CDC25C: variants seen among roughly 807,000 people sequenced by gnomAD.
The protein encoded by CDC25C is M-phase inducer phosphatase 3.
In CDC25C, 48 loss-of-function variants were observed where a neutral mutation model predicts 52.5. That is an observed-to-expected ratio of 0.91 (90% CI 0.72 to 1.16). The LOEUF is 1.16. CDC25C is among the 50% of genes most tolerant of loss of function. The pLI is 0.00. For synonymous variants in CDC25C, 187 were observed against 206.5 expected (o/e 0.91, Z 0.81); for missense variants, 510 against 566.1 (o/e 0.90, Z 1.01).
At chr5:138,334,680 T>C (rs1199397388), upstream of CDC25C, among the ~76,000 whole-genome samples, 1 of 152,206 alleles carries the variant, frequency 6.6e-6, no homozygotes, top group Non-Finnish European at 1.5e-5. Context: ...TCTACGTTTG[T>C]TAATGAGGTT....
chr5:138,334,962 G>T (rs1760612340), upstream of CDC25C: 1 of 152,224 alleles, frequency 6.6e-6, no homozygotes, highest in African/African-American at 2.4e-5. Context: ...TTTTCTGTTG[G>T]ATTGAGGGCA....
intron 6 of CDC25C, 85 bp downstream of exon 6, chr5:138,325,730 C>T: frequency 3.3e-6 from 3 of 900,662 alleles, no homozygotes; most frequent in East Asian, 2.5e-5. Context: ...GAGGTATAAA[C>T]AGTTCTATGT....
intron 1 of CDC25C, chr5:138,337,808 G>T: frequency 2.3e-6 from 1 of 443,900 alleles, no homozygotes; most frequent in Non-Finnish European, 3.9e-6. Flanking sequence ...GGGGAAGGGG[G>T]ATTCCTTCGA....
chr5:138,329,730 T>C (rs1760196977), intron 2 of CDC25C, 83 bp from the exon 3 acceptor site: 13 of 438,390 alleles, frequency 3.0e-5, no homozygotes, highest in Admixed American at 1.6e-4. Context: ...CCTCTTCTTT[T>C]TTTTTTTTTT....
intron 7 of CDC25C, among the ~76,000 whole-genome samples, chr5:138,304,512 T>C (rs1240770089): frequency 2.0e-5 from 3 of 150,622 alleles, no homozygotes; most frequent in African/African-American, 7.3e-5. Flanking sequence ...TTTTTTTTTT[T>C]TTCTCCTTTT....
chr5:138,307,490 C>CACAAAAA (rs1758096918), intron 7 of CDC25C, among the ~76,000 whole-genome samples: 1 of 88,248 alleles, frequency 1.1e-5, no homozygotes, highest in Non-Finnish European at 2.0e-5. Flanking sequence ...GAGACTGCCA[C>CACAAAAA]AAAAAAAAAA....
chr5:138,330,050 AC>A (rs1045102688), intron 2 of CDC25C, among the ~76,000 whole-genome samples: 5 of 151,944 alleles, frequency 3.3e-5, no homozygotes, highest in Non-Finnish European at 1.5e-5. Flanking sequence ...CATTTGAAAC[AC>A]CCCTTAATGA....
chr5:138,287,209 T>G lies in CDC25C; in HGVS notation c.986A>C (p.Asp329Ala). The G allele has an allele frequency of 6.2e-7, 1 of 1,613,998 alleles. No homozygotes were observed. The highest frequency in any genetic ancestry group is 2.2e-5 in the East Asian group (1 of 44,876). ...QGLIEKFYVIDCRYPYEYLGG... is the reference protein window; with the variant it reads ...QGLIEKFYVIACRYPYEYLGG... ...CAGATACTCATATGGATAGCGACAA[T>G]CAATGACATAAAACTTCTCAATCAG... The change falls in exon 11 of 14, where the codon GAT (aspartate) becomes GCT (alanine). Residue 329 changes from aspartate to alanine, a missense_variant. Coordinates refer to ENST00000323760, the MANE Select transcript of CDC25C (RefSeq NM_001790.5).
intron 10 of CDC25C, 29 bp downstream of exon 10, chr5:138,289,472 C>T (rs1224623370): frequency 9.2e-6 from 14 of 1,529,908 alleles, no homozygotes; most frequent in South Asian, 7.8e-5. Flanking sequence ...GCTTATGTAA[C>T]CAGTTACCAT....
Position 138,331,201 on chromosome 5 carries a change from G to A in CDC25C, c.-21C>T, listed in dbSNP as rs1246083721. The A allele has an allele frequency of 6.2e-7, 1 of 1,612,444 alleles. No individual in the cohort carries two copies. Among genetic ancestry groups the A allele is most frequent in the Admixed American group, 1.7e-5 (1 of 59,974 alleles). The stretch of plus-strand genomic sequence containing the variant: ...GACATGGTCTTCGAATTCTCACCAG[G>A]AGAAAAACAAAACCTAGCTAGGAGG... On this transcript the variant is annotated 5_prime_UTR_variant, in exon 2 of 14. Transcript: ENST00000323760.
upstream of CDC25C, chr5:138,331,825 A>T: frequency 1.0e-6 from 1 of 985,772 alleles, no homozygotes; most frequent in Non-Finnish European, 1.2e-6. Flanking sequence ...GCAGGCGTTG[A>T]CCATTCAAAC....
intron 8 of CDC25C, among the ~76,000 whole-genome samples, chr5:138,291,513 G>A (rs992733604): frequency 2.0e-5 from 3 of 151,490 alleles, no homozygotes; most frequent in South Asian, 2.1e-4. Context: ...CCACCTCCCG[G>A]GTTCAAGCGA....
chr5:138,297,864 C>T (rs550685544), intron 7 of CDC25C, among the ~76,000 whole-genome samples: 1 of 152,238 alleles, frequency 6.6e-6, no homozygotes, highest in South Asian at 2.1e-4. Flanking sequence ...AAGACATATG[C>T]ACAGAGACTG....
chr5:138,290,264 A>G (rs1756594553), intron 9 of CDC25C, among the ~76,000 whole-genome samples: 1 of 152,088 alleles, frequency 6.6e-6, no homozygotes, highest in African/African-American at 2.4e-5. Context: ...TTCTGCAATT[A>G]CACAGACAGT....
upstream of CDC25C, among the ~76,000 whole-genome samples, chr5:138,334,823 G>T (rs1351385368): frequency 6.6e-6 from 1 of 152,178 alleles, no homozygotes; most frequent in Non-Finnish European, 1.5e-5. Flanking sequence ...TATTTTAAAG[G>T]GAAGTCAAAT....
In CDC25C at chr5:138,328,498, C is replaced by A; in HGVS notation, c.321G>T (p.Val107=). 1 of 1,613,946 alleles carries A rather than the reference C, an allele frequency of 6.2e-7. No individual in the cohort carries two copies. Among genetic ancestry groups the A allele is most frequent in the Non-Finnish European group, 8.5e-7 (1 of 1,179,842 alleles). ...ACAGAACTTACATCCCAGCTAAATG[C>A]ACTTCCTGAAGTCCTGAAGAATCCA... ...GHLDSSGLQE[V]HLAGMNHDQH... Residue 107 remains valine (V), a synonymous_variant, in exon 4 of 14, where the codon GTG becomes GTT. Transcript: ENST00000323760.
At chr5:138,303,504 A>G (rs1368101899) in intron 7 of CDC25C, among the ~76,000 whole-genome samples, 3 of 152,056 alleles carry the variant, frequency 2.0e-5, no homozygotes, top group Admixed American at 6.5e-5. Flanking sequence ...CTTCAGCCAC[A>G]CTGGCCTTCT....
intron 7 of CDC25C, among the ~76,000 whole-genome samples, chr5:138,292,908 A>T (rs1047101139): frequency 6.6e-6 from 1 of 152,184 alleles, no homozygotes; most frequent in African/African-American, 2.4e-5. Context: ...TCTACCTCTC[A>T]CCTAGAGAAC....
exon 1 of CDC25C, chr5:138,338,270 C>A (rs757076126): frequency 1.0e-6 from 1 of 963,548 alleles, no homozygotes; most frequent in South Asian, 1.3e-5. Context: ...GCGCTCAGAG[C>A]TGCTCCGGCC....
Sources: allele counts gnomAD v4.1 joint callset (sites outside exome capture counted in the v4.1 genomes callset), GRCh38; gene constraint gnomAD v4.1.1; transcripts MANE v1.5; gene names NCBI Gene and HGNC (gene_info 2026-07-23, HGNC 2026-07-21).